Variants in CADM1 observed in about 807,000 individuals in gnomAD.
The protein encoded by CADM1 is cell adhesion molecule 1.
A neutral mutation model predicts 53.1 loss-of-function variants in CADM1; 15 were observed. The ratio of observed to expected loss-of-function variants is 0.28; its 90% CI spans 0.19 to 0.44. The LOEUF (loss-of-function observed/expected upper bound fraction) is 0.44. Among genes scored for constraint, CADM1 ranks in the 20% least tolerant of loss-of-function variants. The pLI is 1.00. For synonymous variants in CADM1, 281 were observed against 243.0 expected (o/e 1.16, Z -1.45); for missense variants, 434 against 611.3 (o/e 0.71, Z 3.06).
chr11:115,338,566 T>C (rs1945328261), intron 1 of CADM1, among the ~76,000 whole-genome samples: 1 of 152,146 alleles, frequency 6.6e-6, no homozygotes, highest in African/African-American at 2.4e-5. Flanking sequence ...TTTTCAAGTA[T>C]CATAATCACT....
At chr11:115,360,915 C>A (rs1946010040) in intron 1 of CADM1, among the ~76,000 whole-genome samples, 1 of 152,146 alleles carries the variant, frequency 6.6e-6, no homozygotes, top group Non-Finnish European at 1.5e-5. Context: ...ATAAAACTGT[C>A]TTGATACAGT....
rs746052662 is a variant in CADM1, at chr11:115,231,421, T to C, written c.494A>G (p.Asn165Ser). The C allele has an allele frequency of 6.8e-6, 11 of 1,614,096 alleles. No individual in the cohort carries two copies. Among genetic ancestry groups the C allele is most frequent in the Non-Finnish European group, 8.5e-6 (10 of 1,179,932 alleles). Residue 165 changes from asparagine to serine, a missense_variant, in exon 4 of 12, where the codon AAC (asparagine) becomes AGC (serine). Asn to Ser is a conservative substitution (Grantham distance 46). Coordinates refer to ENST00000331581, the MANE Select transcript of CADM1 (RefSeq NM_001301043.2). ...TAVEGEEIEV[N>S]CTAMASKPAT... The stretch of plus-strand genomic sequence containing the variant: ...TGGCTTGCTGGCCATAGCAGTGCAG[T>C]TGACTTCAATCTCCTCACCTTCCAC...
intron 1 of CADM1, among the ~76,000 whole-genome samples, chr11:115,323,224 T>C (rs940595916): frequency 1.3e-5 from 2 of 152,172 alleles, no homozygotes; most frequent in African/African-American, 2.4e-5. Context: ...TGATGATGTG[T>C]TTATCTTCTT....
At chr11:115,209,040 C>A (rs1312036145) in intron 8 of CADM1, among the ~76,000 whole-genome samples, 3 of 152,206 alleles carry the variant, frequency 2.0e-5, no homozygotes, top group Non-Finnish European at 4.4e-5. Flanking sequence ...GACAGTGACT[C>A]CCTCTGATCT....
In CADM1 at chr11:115,417,890, C is replaced by A. The variant is rs149993917; in HGVS notation, c.124+86381G>T. On this transcript the variant is annotated intron_variant, in intron 1 of 11. Coordinates refer to ENST00000331581, the MANE Select transcript of CADM1 (RefSeq NM_001301043.2). ...TAGATTTAATTCAAATTTTAACATA[C>A]AAGTCACCCTAAAGCAAACGACACC... is the stretch of plus-strand genomic sequence containing the variant. Among the ~76,000 whole-genome samples the A allele has an allele frequency of 1.3e-3, 199 of 152,274 alleles. 1 individual carries two copies. The highest frequency in any genetic ancestry group is 4.5e-3 in the African/African-American group (186 of 41,560).
chr11:115,366,833 C>T (rs878994455), intron 1 of CADM1, among the ~76,000 whole-genome samples: 8 of 151,998 alleles, frequency 5.3e-5, no homozygotes, highest in Non-Finnish European at 1.0e-4. Context: ...ACAAAAAAGG[C>T]CTAAATTACC....
intron 1 of CADM1, among the ~76,000 whole-genome samples, chr11:115,345,130 G>A (rs1945543263): frequency 6.6e-6 from 1 of 152,162 alleles, no homozygotes; most frequent in African/African-American, 2.4e-5. Flanking sequence ...TTGTCCCACA[G>A]CAGGGGCTGA....
intron 1 of CADM1, among the ~76,000 whole-genome samples, chr11:115,426,930 TTC>T (rs939938033): frequency 1.3e-5 from 2 of 152,102 alleles, no homozygotes; most frequent in Non-Finnish European, 2.9e-5. Context: ...ACTTAATCTG[TTC>T]TAAAACTCCA....
At position 115,169,735 on chromosome 11, in the gene CADM1, A is replaced by G. The variant is rs1277100513; in HGVS notation, c.*6739T>C. On this transcript the variant is annotated 3_prime_UTR_variant, in exon 12 of 12. Coordinates refer to ENST00000331581, the MANE Select transcript of CADM1 (RefSeq NM_001301043.2). ...ATTCCCTTCCATAGCAATACTTTTT[A>G]ATCAGGTCTGCTGTGTCTGGGCAAA... 8 of 422,024 alleles carry G rather than the reference A, an allele frequency of 1.9e-5. No individual in the cohort carries two copies. Among genetic ancestry groups the G allele is most frequent in the Non-Finnish European group, 3.8e-5 (8 of 210,272 alleles). 26.1% of individuals were successfully genotyped at this position (422,024 alleles called of 1,614,324 possible). A position where few individuals can be genotyped will look rare whatever the true frequency, so the allele number is the denominator to read the frequency against.
rs1412763967 is a variant in CADM1 at position 115,231,396 on chromosome 11, T to C, written c.519A>G (p.Pro173=). The C allele has an allele frequency of 3.7e-6, 6 of 1,614,114 alleles. No homozygotes were observed. In the East Asian group the frequency reaches 1.3e-4, roughly 36 times the overall value. ...CTTTGAACCACCTGATAGTCGTGGCTGGCTTGCTGGCCATAGCAGTGCAGT... is the reference window on the plus strand; with the variant it reads ...CTTTGAACCACCTGATAGTCGTGGCCGGCTTGCTGGCCATAGCAGTGCAGT... ...EVNCTAMASK[P]ATTIRWFKGN... The change falls in exon 4 of 12, where the codon CCA becomes CCG. Residue 173 remains proline (P), a synonymous_variant. Coordinates refer to ENST00000331581, the MANE Select transcript of CADM1 (RefSeq NM_001301043.2).
At chr11:115,218,157 T>C in intron 5 of CADM1, 166 bp from the exon 6 acceptor site, 1 of 651,688 alleles carries the variant, frequency 1.5e-6, no homozygotes, top group Non-Finnish European at 2.8e-6. Flanking sequence ...TTGCTCAAAT[T>C]AAATTGACTA....
chr11:115,400,895 AG>A (rs1293514989), intron 1 of CADM1, among the ~76,000 whole-genome samples: 2 of 151,704 alleles, frequency 1.3e-5, no homozygotes, highest in African/African-American at 4.8e-5. Context: ...TACTGCTGGC[AG>A]GAAGGCAAAA....
intron 5 of CADM1, 57 bp downstream of exon 5, chr11:115,229,056 A>C: frequency 1.3e-6 from 2 of 1,552,166 alleles, no homozygotes; most frequent in South Asian, 1.1e-5. Context: ...TGGCTTCTGA[A>C]GAGTTTCTAT....
At chr11:115,218,514 ACT>A (rs1024699836) in intron 5 of CADM1, among the ~76,000 whole-genome samples, 31 of 152,290 alleles carry the variant, frequency 2.0e-4, no homozygotes, top group African/African-American at 6.7e-4. Flanking sequence ...CCCAGTGAAA[ACT>A]CTGACATCTC....
In CADM1 at chr11:115,169,553, T is replaced by G. The variant is rs978066652; in HGVS notation, c.*6921A>C. 1 of 455,092 alleles carries G rather than the reference T, an allele frequency of 2.2e-6. No individual in the cohort carries two copies. The highest frequency in any genetic ancestry group is 2.4e-5 in the Admixed American group (1 of 42,174). 28.2% of individuals were successfully genotyped at this position (455,092 alleles called of 1,614,324 possible). ...CCTTCCTTGTCCAAACGATAAAAGA[T>G]TCATGTTCCTAATTGCAACACTATA... On this transcript the variant is annotated 3_prime_UTR_variant, in exon 12 of 12. Coordinates refer to ENST00000331581, the MANE Select transcript of CADM1 (RefSeq NM_001301043.2).
intron 1 of CADM1, among the ~76,000 whole-genome samples, chr11:115,484,349 C>G (rs1949322870): frequency 6.6e-6 from 1 of 152,086 alleles, no homozygotes; most frequent in African/African-American, 2.4e-5. Flanking sequence ...GAAAGTGCTC[C>G]CTGTGCTACA....
chr11:115,395,393 T>C (rs1011307088), intron 1 of CADM1, among the ~76,000 whole-genome samples: 1 of 152,202 alleles, frequency 6.6e-6, no homozygotes, highest in Non-Finnish European at 1.5e-5. Flanking sequence ...AATCTACATC[T>C]GCTTTTTAAA....
intron 1 of CADM1, among the ~76,000 whole-genome samples, chr11:115,369,923 CT>C (rs1305074669): frequency 6.6e-6 from 1 of 152,138 alleles, no homozygotes; most frequent in African/African-American, 2.4e-5. Context: ...TTTCCATTTT[CT>C]TTGCAACAAA....
intron 5 of CADM1, among the ~76,000 whole-genome samples, chr11:115,219,600 T>C (rs1941328021): frequency 6.6e-6 from 1 of 152,140 alleles, no homozygotes; most frequent in Non-Finnish European, 1.5e-5. Flanking sequence ...CAAAATGGTG[T>C]TGAGGTTTCC....
Sources: allele counts gnomAD v4.1 joint callset (sites outside exome capture counted in the v4.1 genomes callset), GRCh38; gene constraint gnomAD v4.1.1; transcripts MANE v1.5; gene names NCBI Gene and HGNC (gene_info 2026-07-23, HGNC 2026-07-21).